AEBP2: variants seen among roughly 807,000 people sequenced by gnomAD.
The protein encoded by AEBP2 is zinc finger protein AEBP2.
In AEBP2, 10 loss-of-function variants were observed where a neutral mutation model predicts 50.8. The observed-to-expected ratio is 0.20, with a 90% confidence interval of 0.12 to 0.33. AEBP2 has a LOEUF of 0.33. AEBP2 is among the 10% of genes least tolerant of loss of function. AEBP2 has a pLI of 1.00. For synonymous variants in AEBP2, 296 were observed against 261.3 expected (o/e 1.13, Z -1.28); for missense variants, 570 against 688.0 (o/e 0.83, Z 1.92).
intron 1 of AEBP2, among the ~76,000 whole-genome samples, chr12:19,428,507 G>A (rs892319810): frequency 2.6e-5 from 4 of 152,202 alleles, no homozygotes; most frequent in Non-Finnish European, 4.4e-5. Flanking sequence ...GGATTAGCAG[G>A]TTCTGCAAAA....
intron 5 of AEBP2, among the ~76,000 whole-genome samples, chr12:19,501,860 T>C (rs1245844175): frequency 6.9e-6 from 1 of 145,452 alleles, no homozygotes; most frequent in Non-Finnish European, 1.5e-5. Context: ...CCCTCTGTAT[T>C]CACAGGTTCT....
Position 19,481,092 on chromosome 12 carries a change from CTTTTTTT to C in AEBP2, c.987+7757_987+7763del, listed in dbSNP as rs71067027. On this transcript the variant is annotated intron_variant, in intron 3 of 7. Transcript: ENST00000266508. ...TGTTATTGAAACTTTGCAGTGCATCCTTTTTTTTTTTTTTTTTTTTTTTTTTGAGACC... is the reference window on the plus strand; with the variant it reads ...TGTTATTGAAACTTTGCAGTGCATCCTTTTTTTTTTTTTTTTTTTGAGACC... Among the ~76,000 whole-genome samples the C allele has an allele frequency of 4.3e-3, 318 of 74,032 alleles. 7 individuals are homozygous for C. The highest frequency in any genetic ancestry group is 0.017 in the African/African-American group (293 of 17,556). 48.6% of individuals were successfully genotyped at this position (74,032 alleles called of 152,430 possible). A position where few individuals can be genotyped will look rare whatever the true frequency, so the allele number is the denominator to read the frequency against.
At chr12:19,473,815 C>T (rs758504904) in intron 3 of AEBP2, among the ~76,000 whole-genome samples, 18 of 152,258 alleles carry the variant, frequency 1.2e-4, no homozygotes, top group African/African-American at 2.6e-4. Flanking sequence ...TTCTTGTACA[C>T]GCATTGAATT....
chr12:19,415,728 C>G (rs990688174), intron 1 of AEBP2, among the ~76,000 whole-genome samples: 12 of 136,110 alleles, frequency 8.8e-5, no homozygotes, highest in African/African-American at 3.0e-4. Flanking sequence ...TCCAGAGGCT[C>G]TCTTTGCCCT....
chr12:19,408,653 G>A (rs1159110440), intron 1 of AEBP2, among the ~76,000 whole-genome samples: 1 of 151,986 alleles, frequency 6.6e-6, no homozygotes, highest in African/African-American at 2.4e-5. Flanking sequence ...TAAAATCCCA[G>A]CACTTTGGGA....
chr12:19,412,212 T>C (rs2095739573), intron 1 of AEBP2, among the ~76,000 whole-genome samples: 3 of 152,214 alleles, frequency 2.0e-5, no homozygotes, highest in Non-Finnish European at 4.4e-5. Flanking sequence ...TGAAGTCACA[T>C]ATGAACACTA....
intron 5 of AEBP2, among the ~76,000 whole-genome samples, chr12:19,505,013 G>A (rs751889269): frequency 6.6e-6 from 1 of 152,170 alleles, no homozygotes; most frequent in Non-Finnish European, 1.5e-5. Context: ...GAGGAAAGGT[G>A]TCCTTATTCT....
chr12:19,432,925 G>A (rs1475701057), intron 1 of AEBP2, among the ~76,000 whole-genome samples: 1 of 152,068 alleles, frequency 6.6e-6, no homozygotes. Context: ...GACCCCATCA[G>A]TGCTGTGGTT....
At chr12:19,496,812 C>T (rs1324450601) in intron 4 of AEBP2, among the ~76,000 whole-genome samples, 1 of 151,464 alleles carries the variant, frequency 6.6e-6, no homozygotes, top group Non-Finnish European at 1.5e-5. Flanking sequence ...CAGGCACACA[C>T]CACCACACCC....
chr12:19,445,376 T>C (rs914078015), intron 1 of AEBP2, among the ~76,000 whole-genome samples: 3 of 151,116 alleles, frequency 2.0e-5, no homozygotes, highest in Non-Finnish European at 4.4e-5. Context: ...TTTTCTTTTT[T>C]TTTTTTTTTT....
chr12:19,438,705 A>C (rs1002575869), upstream of AEBP2, among the ~76,000 whole-genome samples: 2 of 152,236 alleles, frequency 1.3e-5, no homozygotes, highest in African/African-American at 4.8e-5. Context: ...CGATCAAAAT[A>C]GTTCAAATAT....
intron 5 of AEBP2, among the ~76,000 whole-genome samples, chr12:19,501,630 C>G (rs1208398401): frequency 3.3e-5 from 4 of 121,274 alleles, no homozygotes; most frequent in African/African-American, 1.1e-4. Flanking sequence ...AAGTGAGACC[C>G]TGTCTGGAAA....
intron 2 of AEBP2, among the ~76,000 whole-genome samples, chr12:19,463,167 G>C (rs16915489): frequency 0.075 from 11,482 of 152,206 alleles, 502 homozygotes; most frequent in South Asian, 0.2. Flanking sequence ...CTCATTATTT[G>C]TGAGTGAGAA....
At chr12:19,442,978 A>T (rs1947989892) in intron 1 of AEBP2, among the ~76,000 whole-genome samples, 1 of 152,210 alleles carries the variant, frequency 6.6e-6, no homozygotes, top group Non-Finnish European at 1.5e-5. Context: ...ATTTTTAGGC[A>T]TTCCTATTAC....
rs1327729712 is a variant in AEBP2 at position 19,455,716 on chromosome 12, A to G, written c.672-6794A>G. The stretch of plus-strand genomic sequence containing the variant: ...TGATCGCTCTAGCTGTTGGGTGGAA[A>G]ACTGGTCTGCTAGATAGTTTCTAAA... On this transcript the variant is annotated intron_variant, in intron 1 of 7. Transcript: ENST00000266508. Among the ~76,000 whole-genome samples the G allele has an allele frequency of 2.0e-5, 3 of 152,200 alleles. No homozygotes were observed. The East Asian group carries it at 5.8e-4, about 29-fold the overall frequency.
intron 5 of AEBP2, among the ~76,000 whole-genome samples, chr12:19,500,892 A>G (rs1188901584): frequency 6.6e-6 from 1 of 152,218 alleles, no homozygotes; most frequent in Non-Finnish European, 1.5e-5. Context: ...ATAGAGAGTT[A>G]TTCTTTCTTC....
chr12:19,478,180 G>A (rs1434301200), intron 3 of AEBP2, among the ~76,000 whole-genome samples: 1 of 152,198 alleles, frequency 6.6e-6, no homozygotes, highest in East Asian at 1.9e-4. Flanking sequence ...GTTTCATTTA[G>A]CACCACTCTG....
intron 1 of AEBP2, chr12:19,440,811 T>TCC: frequency 6.6e-7 from 1 of 1,505,128 alleles, no homozygotes; most frequent in African/African-American, 1.4e-5. Flanking sequence ...CTCGCCTGGA[T>TCC]TTAACAGAAC....
intron 1 of AEBP2, among the ~76,000 whole-genome samples, chr12:19,422,648 C>T (rs2153364539): frequency 6.6e-6 from 1 of 152,040 alleles, no homozygotes; most frequent in African/African-American, 2.4e-5. Context: ...AGGCATGTGC[C>T]ACCATGCCTG....
Sources: allele counts gnomAD v4.1 joint callset (sites outside exome capture counted in the v4.1 genomes callset), GRCh38; gene constraint gnomAD v4.1.1; transcripts MANE v1.5; gene names NCBI Gene and HGNC (gene_info 2026-07-23, HGNC 2026-07-21).